Variants in RAG1 observed in about 807,000 individuals in gnomAD.
The protein encoded by RAG1 is recombination activating 1.
RAG1 carries 35 observed loss-of-function variants against 62.7 expected under a neutral mutation model. The ratio of observed to expected loss-of-function variants is 0.56; its 90% CI spans 0.43 to 0.74. The LOEUF (loss-of-function observed/expected upper bound fraction) is 0.74, where lower values mean the gene tolerates loss of function less well. RAG1 is among the 30% of genes least tolerant of loss of function. The probability of loss-of-function intolerance (pLI) is 0.00; values close to 1 mark genes in which losing one functional copy is unlikely to be tolerated. For synonymous variants in RAG1, 461 were observed against 470.3 expected, an observed-to-expected ratio of 0.98 and a Z score of 0.26; for missense variants, 1,169 against 1,278.6, an observed-to-expected ratio of 0.91 and a Z score of 1.31.
At chr11:36,545,454 G>A (rs1394185037) in intron 3 of RAG1, among the ~76,000 whole-genome samples, 2 of 152,110 alleles carry the variant, frequency 1.3e-5, no homozygotes, top group Non-Finnish European at 2.9e-5. Flanking sequence ...CAGCAAGATG[G>A]TCATCAGCAA....
intron 1 of RAG1, among the ~76,000 whole-genome samples, chr11:36,514,977 C>A (rs753097575): frequency 1.4e-4 from 21 of 152,164 alleles, no homozygotes; most frequent in Non-Finnish European, 2.4e-4. Context: ...TAATCCAGAG[C>A]CTTAAAGTCA....
At chr11:36,558,085 A>G (rs957044649) in intron 3 of RAG1, among the ~76,000 whole-genome samples, 2 of 152,146 alleles carry the variant, frequency 1.3e-5, no homozygotes, top group Non-Finnish European at 2.9e-5. Context: ...TTAGTTTCCA[A>G]ATTTCTCTTA....
rs547128293 is a variant in RAG1, at chr11:36,519,310, G to A, written n.331-822G>A. ...CTAAGGTAGAGAAGTGCCAAAAATC[G>A]TATTCCGGAGAGGAAATAAAATATT... On this transcript the variant is annotated intron_variant and non_coding_transcript_variant, in intron 1 of 2. Coordinates refer to the RAG1 transcript ENST00000529126. Among the ~76,000 whole-genome samples the A allele has an allele frequency of 1.3e-4, 20 of 152,264 alleles. No individual in the cohort carries two copies. The South Asian group carries it at 1.5e-3, about 11-fold the overall frequency.
chr11:36,511,543 G>T (rs1859922955), intron 1 of RAG1, among the ~76,000 whole-genome samples: 1 of 152,132 alleles, frequency 6.6e-6, no homozygotes, highest in South Asian at 2.1e-4. Context: ...CTACTTTCTG[G>T]CTGCCAATAT....
rs1334643724 is a variant in RAG1 at position 36,576,531 on chromosome 11, G to A, written c.*95G>A. The A allele has an allele frequency of 6.9e-7, 1 of 1,440,660 alleles. No individual in the cohort carries two copies. Among genetic ancestry groups the A allele is most frequent in the Admixed American group, 1.7e-5 (1 of 58,306 alleles). 89.2% of individuals were successfully genotyped at this position (1,440,660 alleles called of 1,614,324 possible). A position where few individuals can be genotyped will look rare whatever the true frequency, so the allele number is the denominator to read the frequency against. ...TAGCACCCTTTACTGCTGTGTATGG[G>A]GCTTCACCATCCAAGAGGTGGTAGG... On this transcript the variant is annotated 3_prime_UTR_variant, in exon 2 of 2. Transcript: ENST00000299440.
At chr11:36,571,552 A>G (rs1850744671) in intron 1 of RAG1, among the ~76,000 whole-genome samples, 1 of 152,238 alleles carries the variant, frequency 6.6e-6, no homozygotes, top group South Asian at 2.1e-4. Context: ...CATAGGGAAC[A>G]ATCTAATAGG....
rs992489148 is a variant in RAG1 at position 36,573,247 on chromosome 11, A to C, written c.-14-44A>C. 7 of 1,573,138 alleles carry C rather than the reference A, an allele frequency of 4.4e-6. No homozygotes were observed. In the African/African-American group the frequency reaches 8.1e-5, roughly 18 times the overall value. Reference sequence around the variant, plus strand: ...ATTATTTATAAGATACATCAGTGGGATATTGATATTGGTCTTAATATGACT... The same window carrying C: ...ATTATTTATAAGATACATCAGTGGGCTATTGATATTGGTCTTAATATGACT... On this transcript the variant is annotated intron_variant, in intron 1 of 1. Coordinates refer to ENST00000299440, the MANE Select transcript of RAG1 (RefSeq NM_000448.3).
At chr11:36,570,559 A>G (rs1365863761) in intron 1 of RAG1, among the ~76,000 whole-genome samples, 1 of 152,216 alleles carries the variant, frequency 6.6e-6, no homozygotes, top group Admixed American at 6.5e-5. Context: ...GCTGGATCAT[A>G]TAATAATTCT....
At chr11:36,542,159 CTCTT>C (rs1452667635) in intron 3 of RAG1, among the ~76,000 whole-genome samples, 7 of 152,192 alleles carry the variant, frequency 4.6e-5, no homozygotes, top group African/African-American at 1.7e-4. Context: ...TATCTTCCCT[CTCTT>C]TATTAGAGAG....
chr11:36,526,042 A>G (rs1860157084), intron 2 of RAG1, among the ~76,000 whole-genome samples: 1 of 152,216 alleles, frequency 6.6e-6, no homozygotes, highest in South Asian at 2.1e-4. Flanking sequence ...CTTGAGATAA[A>G]TGTTGCAAAA....
chr11:36,541,151 G>T (rs1007442022), intron 3 of RAG1, among the ~76,000 whole-genome samples: 1 of 152,138 alleles, frequency 6.6e-6, no homozygotes, highest in Non-Finnish European at 1.5e-5. Flanking sequence ...CAACAGCTGC[G>T]GGCTGTAAAC....
At chr11:36,546,896 G>A (rs1231488339) in intron 3 of RAG1, among the ~76,000 whole-genome samples, 2 of 151,958 alleles carry the variant, frequency 1.3e-5, no homozygotes, top group African/African-American at 4.8e-5. Flanking sequence ...AATTTTCTTC[G>A]GGCTTGCAGG....
At chr11:36,547,452 T>A (rs1353882637) in intron 3 of RAG1, among the ~76,000 whole-genome samples, 2 of 152,118 alleles carry the variant, frequency 1.3e-5, no homozygotes, top group African/African-American at 4.8e-5. Flanking sequence ...ATATCACCAC[T>A]GATCCCACAG....
intron 1 of RAG1, among the ~76,000 whole-genome samples, chr11:36,570,479 A>T (rs1850724169): frequency 6.6e-6 from 1 of 152,218 alleles, no homozygotes; most frequent in South Asian, 2.1e-4. Flanking sequence ...GCAGCAATAA[A>T]CACAGGAGTG....
At chr11:36,562,169 T>C (rs551795623) in intron 3 of RAG1, among the ~76,000 whole-genome samples, 348 of 152,256 alleles carry the variant, frequency 2.3e-3, no homozygotes, top group African/African-American at 8.1e-3. Flanking sequence ...AAGATTAGAA[T>C]TTGTTGACTG....
At chr11:36,549,786 A>T (rs1850456307) in intron 3 of RAG1, among the ~76,000 whole-genome samples, 1 of 152,228 alleles carries the variant, frequency 6.6e-6, no homozygotes, top group African/African-American at 2.4e-5. Flanking sequence ...AGGATTTATA[A>T]ATCATGCTAC....
intron 2 of RAG1, among the ~76,000 whole-genome samples, chr11:36,524,340 TAA>T (rs35649031): frequency 6.9e-6 from 1 of 143,952 alleles, no homozygotes; most frequent in African/African-American, 2.6e-5. Context: ...TAAAGTATAA[TAA>T]AAAAAAAAAA....
chr11:36,547,273 A>G (rs1380176035), intron 3 of RAG1, among the ~76,000 whole-genome samples: 2 of 152,224 alleles, frequency 1.3e-5, no homozygotes, highest in Non-Finnish European at 2.9e-5. Context: ...AGAAATAACT[A>G]AGATCAGAGC....
rs564959269 is a variant in RAG1 at position 36,561,372 on chromosome 11, C to G, written c.-411-2013C>G. Among the ~76,000 whole-genome samples, 12 of 152,268 alleles carry G rather than the reference C, an allele frequency of 7.9e-5. No individual in the cohort carries two copies. In the East Asian group the frequency reaches 1.7e-3, roughly 22 times the overall value. On this transcript the variant is annotated intron_variant and NMD_transcript_variant, in intron 3 of 9. Coordinates refer to the RAG1 transcript ENST00000534663. ...GGTCTTTGGATGACCTACTCTTCAGCCTTTGATGCAAATTTCATCACTCTT... is the reference window on the plus strand; with the variant it reads ...GGTCTTTGGATGACCTACTCTTCAGGCTTTGATGCAAATTTCATCACTCTT...
Sources: allele counts gnomAD v4.1 joint callset (sites outside exome capture counted in the v4.1 genomes callset), GRCh38; gene constraint gnomAD v4.1.1; transcripts MANE v1.5; gene names NCBI Gene and HGNC (gene_info 2026-07-23, HGNC 2026-07-21).